The following MUC6 variants were observed in gnomAD, a reference collection of about 807,000 sequenced individuals.
The protein encoded by MUC6 is mucin-6.
MUC6 carries 188 observed loss-of-function variants against 201.5 expected under a neutral mutation model. That is an observed-to-expected ratio of 0.93 (90% CI 0.83 to 1.05). MUC6 has a LOEUF of 1.05. Ranked by LOEUF, MUC6 falls within the 50% of genes least tolerant of loss-of-function variation. The pLI is 0.00. For synonymous variants in MUC6, 1,228 were observed against 1,389.4 expected, an observed-to-expected ratio of 0.88 and a Z score of 2.58; for missense variants, 2,706 against 3,256.9, an observed-to-expected ratio of 0.83 and a Z score of 4.12.
intron 31 of MUC6, among the ~76,000 whole-genome samples, chr11:1,014,593 G>T (rs1032970909): frequency 6.6e-6 from 1 of 152,210 alleles, no homozygotes. Context: ...ACAGAGCAGG[G>T]TGGACCGATG....
rs746923262 is a variant in MUC6 at position 1,028,380 on chromosome 11, G to T, written c.1599C>A (p.Cys533Ter). ...PQFRGQTRGLCGNFNGDTTDD... is the reference protein window; with the variant it reads ...PQFRGQTRGL ...CCGTTGTGTCCCCGTTGAAGTTGCC[G>T]CAGAGCCCTGAGCCGGCGGGGCGTG... Residue 533 changes from cysteine (C) to a stop codon, truncating the protein, a stop_gained, in exon 14 of 33, where the codon TGC becomes TGA. Transcript: ENST00000421673. LOFTEE classifies it high-confidence loss of function. 1.2e-6 allele frequency: 2 copies of T among 1,612,008 alleles called. No individual in the cohort carries two copies. The highest frequency in any genetic ancestry group is 1.7e-5 in the Admixed American group (1 of 59,996).
chr11:1,016,333 C>G lies in MUC6; in HGVS notation c.6468G>C (p.Ser2156=). 6.2e-7 allele frequency: 1 copy of G among 1,610,778 alleles called. No individual in the cohort carries two copies. The highest frequency in any genetic ancestry group is 8.5e-7 in the Non-Finnish European group (1 of 1,178,608). The change falls in exon 31 of 33, where the codon TCG becomes TCC. Residue 2156 remains serine, a synonymous_variant. Transcript: ENST00000421673. ...PSSHSSPQTS[S]PSVGTSSSFV... ...AAGAGGAAGATGTGCCAACAGAAGG[C>G]GATGAAGTCTGGGGAGAGGAGTGGG...
chr11:1,035,713 C>T (rs554650783), intron 1 of MUC6, among the ~76,000 whole-genome samples: 10 of 152,196 alleles, frequency 6.6e-5, no homozygotes, highest in South Asian at 2.1e-4. Flanking sequence ...GCTCTGAGCC[C>T]GAGGCGCCCA....
At position 1,030,563 on chromosome 11, in the gene MUC6, C is replaced by T; in HGVS notation, c.892+10G>A. 4 of 1,491,606 alleles carry T rather than the reference C, an allele frequency of 2.7e-6. No individual in the cohort carries two copies. The South Asian group carries it at 4.0e-5, about 15-fold the overall frequency. The allele number at this position is 1,491,606 out of a possible 1,614,324, so 92.4% of individuals were successfully genotyped here. A position where few individuals can be genotyped will look rare whatever the true frequency, so the allele number is the denominator to read the frequency against. On this transcript the variant is annotated intron_variant, in intron 7 of 32. Transcript: ENST00000421673. ...CTTCCTGCCCCTCCCTCTCCCTTCC[C>T]TGGACTCACAGCACAGGCCGGGGCT... is the stretch of plus-strand genomic sequence containing the variant.
chr11:1,033,300 C>T lies in MUC6; in HGVS notation c.53-225G>A, dbSNP rs528952788. 3.4e-6 allele frequency: 2 copies of T among 582,618 alleles called. No homozygotes were observed. The highest frequency in any genetic ancestry group is 6.2e-6 in the Non-Finnish European group (2 of 322,386). The allele number at this position is 582,618 out of a possible 1,614,324, so 36.1% of individuals were successfully genotyped here. Reference sequence around the variant, plus strand: ...CCTTCCCTGCTCTCGTTCACTCCCTCGTTTGTCCACTCAGTCCCAGTTCAG... The same window carrying T: ...CCTTCCCTGCTCTCGTTCACTCCCTTGTTTGTCCACTCAGTCCCAGTTCAG... On this transcript the variant is annotated intron_variant, in intron 1 of 32. Coordinates refer to ENST00000421673, the MANE Select transcript of MUC6 (RefSeq NM_005961.3). This position sits in a 1 kb window ranked among gnomAD's most constrained non-coding sequence, Gnocchi z 5.6.
chr11:1,013,765 T>C (rs763302748), intron 32 of MUC6, 132 bp from the exon 33 acceptor site: 1 of 1,386,770 alleles, frequency 7.2e-7, no homozygotes, highest in Non-Finnish European at 9.9e-7. Context: ...GCCAGGGCGG[T>C]GTTGGGCAGA....
chr11:1,025,130 C>T lies in MUC6; in HGVS notation c.2986-47G>A, dbSNP rs865895984. ...CGGGCCCAGGGGCCGTGCCATCTGTCTCCACCCCTGCATCAGGGAGGGCCT... is the reference window on the plus strand; with the variant it reads ...CGGGCCCAGGGGCCGTGCCATCTGTTTCCACCCCTGCATCAGGGAGGGCCT... On this transcript the variant is annotated intron_variant, in intron 23 of 32. Coordinates refer to ENST00000421673, the MANE Select transcript of MUC6 (RefSeq NM_005961.3). The T allele has an allele frequency of 2.5e-6, 4 of 1,611,168 alleles. No individual in the cohort carries two copies. The Middle Eastern group carries it at 4.9e-4, about 199-fold the overall frequency.
chr11:1,030,965 G>T lies in MUC6; in HGVS notation c.666C>A (p.His222Gln), dbSNP rs770214150. The T allele has an allele frequency of 6.3e-7, 1 of 1,581,122 alleles. No homozygotes were observed. Among genetic ancestry groups the T allele is most frequent in the Non-Finnish European group, 8.6e-7 (1 of 1,164,090 alleles). Residue 222 changes from histidine (H) to glutamine (Q), a missense_variant, in exon 6 of 33, where the codon CAC becomes CAA. Physicochemically the swap from His to Gln is conservative, Grantham distance 24 (BLOSUM62 0). Around this residue, in one of 10 missense-constraint regions of MUC6, gnomAD observed 1,850 missense variants for 1,958.3 expected, o/e 0.94. Transcript: ENST00000421673. ...TGCTTACGTGCTGGGCCTGCCGGAC[G>T]TGGGTGCTGGGGATGTCCTGGAAGG... ...ICTFQDIPST[H>Q]VRQAQHARIC...
At chr11:1,019,657 C>A (rs1289774695) in intron 29 of MUC6, among the ~76,000 whole-genome samples, 161 bp from the exon 30 acceptor site, 1 of 152,196 alleles carries the variant, frequency 6.6e-6, no homozygotes, top group Non-Finnish European at 1.5e-5. Flanking sequence ...GTCCTCCCAC[C>A]GTACTCCTGG....
Position 1,032,042 on chromosome 11 carries a change from CT to C in MUC6, c.126del (p.Gly43AlafsTer66). 1.9e-6 allele frequency: 3 copies of C among 1,613,270 alleles called. No individual in the cohort carries two copies. Among genetic ancestry groups the C allele is most frequent in the East Asian group, 2.2e-5 (1 of 44,884 alleles). ...CCAGCCCCCCACGTGGAGCACTGGCCTTTGTCCGGGGCTACAGAGAGAGCAG... is the reference window on the plus strand; with the variant it reads ...CCAGCCCCCCACGTGGAGCACTGGCCTTGTCCGGGGCTACAGAGAGAGCAG... ...LKDSPQTAPDKGQCSTWGAGH... is the reference protein window; with the variant it reads ...LKDSPQTAPDXGQCSTWGAGH... On this transcript the variant is annotated frameshift_variant, in exon 3 of 33. Coordinates refer to ENST00000421673, the MANE Select transcript of MUC6 (RefSeq NM_005961.3). LOFTEE classifies it high-confidence loss of function.
chr11:1,028,270 GC>G lies in MUC6; in HGVS notation c.1708del (p.Ala570LeufsTer11). On this transcript the variant is annotated frameshift_variant, in exon 14 of 33. Transcript: ENST00000421673. LOFTEE classifies it high-confidence loss of function. The part of the protein sequence containing the change: ...DSWRAGNCPA[A>X]LERETDPCSM... ...GCAGGGGTCAGTCTCACGCTCCAGA[GC>G]GGCCGGACAGTTCCCCGCCCGCCAG... The G allele has an allele frequency of 6.3e-7, 1 of 1,599,758 alleles. No homozygotes were observed. The highest frequency in any genetic ancestry group is 8.5e-7 in the Non-Finnish European group (1 of 1,174,144).
In MUC6 at chr11:1,013,544, G is replaced by C. The variant is rs374718574; in HGVS notation, c.7232C>G (p.Pro2411Arg). 6.9e-5 allele frequency: 109 copies of C among 1,578,376 alleles called. No homozygotes were observed. Among genetic ancestry groups the C allele is most frequent in the Non-Finnish European group, 9.1e-5 (106 of 1,163,824 alleles). ...CCGCCGGCCAGGCGTGCTGGGATCG[G>C]GGCAGGGCAGCTCCAGCTGCTGCTC... ...SYEQQLELPC[P>R]DPSTPGRRLV... The change falls in exon 33 of 33, where the codon CCC becomes CGC. Residue 2411 changes from proline to arginine, a missense_variant. By Grantham distance (103) the Pro-to-Arg change is moderately radical. Coordinates refer to ENST00000421673, the MANE Select transcript of MUC6 (RefSeq NM_005961.3).
chr11:1,015,730 G>A, intron 31 of MUC6, 32 bp downstream of exon 31: 1 of 1,521,092 alleles, frequency 6.6e-7, no homozygotes, highest in Non-Finnish European at 8.8e-7. Flanking sequence ...CAGAGGTGAG[G>A]CCAGGAGAAG....
At chr11:1,031,286 C>T (rs1429211351) in intron 4 of MUC6, 27 bp from the exon 5 acceptor site, 18 of 1,547,466 alleles carry the variant, frequency 1.2e-5, no homozygotes, top group Non-Finnish European at 1.6e-5. Flanking sequence ...TGCTGGGGGC[C>T]CGGGGGCCAG....
At chr11:1,020,406 C>A in intron 28 of MUC6, 149 bp from the exon 29 acceptor site, 1 of 1,154,490 alleles carries the variant, frequency 8.7e-7, no homozygotes, top group Non-Finnish European at 1.2e-6. Context: ...ACTCTGAGTG[C>A]AGCCTGGCTC....
chr11:1,030,426 T>G, intron 7 of MUC6, 91 bp from the exon 8 acceptor site: 2 of 1,135,664 alleles, frequency 1.8e-6, no homozygotes, highest in Non-Finnish European at 2.2e-6. Context: ...AGCCCAGCCC[T>G]TCCTCCATCT....
intron 19 of MUC6, 86 bp downstream of exon 19, chr11:1,026,855 G>T: frequency 1.5e-6 from 2 of 1,319,320 alleles, no homozygotes; most frequent in Non-Finnish European, 1.0e-6. Flanking sequence ...GCAGAATGCG[G>T]CCAGGTCTCC....
At chr11:1,032,702 G>C (rs183345368) in intron 2 of MUC6, among the ~76,000 whole-genome samples, 5 of 151,010 alleles carry the variant, frequency 3.3e-5, no homozygotes, top group African/African-American at 1.2e-4. Context: ...AGGTGTGTTT[G>C]TGTGTAGGTT....
rs1339328440 is a variant in MUC6, at chr11:1,027,959, C to G, written c.1848+6G>C. On this transcript the variant is annotated splice_donor_region_variant and intron_variant, in intron 15 of 32. Transcript: ENST00000421673. ...CAGCCCTCCCAAGACGCCCTCGGGC[C>G]CTCACCTTGTAGAAGGGTGCAGGGT... 2 of 1,569,676 alleles carry G rather than the reference C, an allele frequency of 1.3e-6. No homozygotes were observed. The highest frequency in any genetic ancestry group is 2.3e-5 in the South Asian group (2 of 85,660).
Sources: gnomAD v4.1 joint callset for allele counts (sites outside exome capture counted in the v4.1 genomes callset) on GRCh38, gnomAD v4.1.1 for gene constraint, gnomAD v4.1.1 regional missense constraint, Gnocchi (gnomAD v3.1) non-coding constraint, MANE v1.5 for transcripts, NCBI Gene and HGNC (gene_info 2026-07-23, HGNC 2026-07-21) for gene names.